The following CHD6 variants were observed in gnomAD, a reference collection of about 807,000 sequenced individuals.
The protein encoded by CHD6 is chromodomain helicase DNA binding protein 6.
CHD6 carries 50 observed loss-of-function variants against 276.9 expected under a neutral mutation model. That is an observed-to-expected ratio of 0.18 (90% CI 0.14 to 0.23). The LOEUF (loss-of-function observed/expected upper bound fraction) is 0.23, where lower values mean the gene tolerates loss of function less well. CHD6 is among the 10% of genes least tolerant of loss of function. The pLI is 1.00. For missense variants in CHD6, 2,564 were observed against 3,365.8 expected (o/e 0.76, Z 5.89); for synonymous variants, 1,173 against 1,229.3 (o/e 0.95, Z 0.96).
At chr20:41,555,543 T>C (rs1245084039) in intron 1 of CHD6, among the ~76,000 whole-genome samples, 1 of 147,644 alleles carries the variant, frequency 6.8e-6, no homozygotes, top group Non-Finnish European at 1.5e-5. Context: ...GATGGGGCGG[T>C]TGCCAGGCGG....
chr20:41,430,781 T>C (rs190346285), intron 27 of CHD6, among the ~76,000 whole-genome samples: 32 of 152,152 alleles, frequency 2.1e-4, no homozygotes, highest in Admixed American at 2.0e-3. Context: ...GAGTTGTTTC[T>C]ACAGGGAAAA....
rs2145657909 is a variant in CHD6, at chr20:41,450,930, G to A, written c.3683+16C>T. 3.1e-6 allele frequency: 5 copies of A among 1,605,114 alleles called. No homozygotes were observed. Among genetic ancestry groups the A allele is most frequent in the Non-Finnish European group, 4.3e-6 (5 of 1,173,884 alleles). On this transcript the variant is annotated intron_variant, in intron 23 of 36. Coordinates refer to ENST00000373233, the MANE Select transcript of CHD6 (RefSeq NM_032221.5). ...AGCCGGGCTGCCACCAGGGTATGGGGAGGAGGGACACTCACTTGTTGCAGT... is the reference window on the plus strand; with the variant it reads ...AGCCGGGCTGCCACCAGGGTATGGGAAGGAGGGACACTCACTTGTTGCAGT...
chr20:41,466,139 T>C (rs575595482), intron 17 of CHD6, among the ~76,000 whole-genome samples: 15 of 152,130 alleles, frequency 9.9e-5, no homozygotes, highest in East Asian at 5.8e-4. Flanking sequence ...GAGGTGGAGG[T>C]TGCAGTGAGC....
At chr20:41,513,019 G>C in intron 4 of CHD6, 24 bp from the exon 5 acceptor site, 1 of 1,613,776 alleles carries the variant, frequency 6.2e-7, no homozygotes, top group Non-Finnish European at 8.5e-7. Context: ...ACACCCGTCA[G>C]AGAAGCTCTC....
At chr20:41,436,980 T>C (rs1189001550) in intron 27 of CHD6, among the ~76,000 whole-genome samples, 3 of 152,182 alleles carry the variant, frequency 2.0e-5, no homozygotes, top group African/African-American at 4.8e-5. Context: ...GATATTGTAC[T>C]ACAATACTGC....
chr20:41,460,119 G>A (rs182774656), intron 17 of CHD6, among the ~76,000 whole-genome samples: 2 of 152,064 alleles, frequency 1.3e-5, no homozygotes, highest in African/African-American at 4.8e-5. Flanking sequence ...CGAGATTTGC[G>A]GAACTTTGAA....
At chr20:41,495,699 T>C (rs2043669109) in intron 8 of CHD6, among the ~76,000 whole-genome samples, 1 of 152,234 alleles carries the variant, frequency 6.6e-6, no homozygotes, top group Non-Finnish European at 1.5e-5. Context: ...ATAGTGGTTA[T>C]TTCACAATGT....
rs534871524 is a variant in CHD6 at position 41,576,066 on chromosome 20, CT to C, written c.-23-24707del. On this transcript the variant is annotated intron_variant, in intron 1 of 36. Transcript: ENST00000373233. ...TTTTAATATAGAGGAAAAATTAATT[CT>C]TTTTTTTTCTTCAAGCAAAATTTAC... Among the ~76,000 whole-genome samples the C allele has an allele frequency of 9.9e-5, 15 of 151,212 alleles. 3 individuals carry two copies. The highest frequency in any genetic ancestry group is 3.4e-4 in the African/African-American group (14 of 41,166).
At chr20:41,541,904 A>G (rs149021350) in intron 2 of CHD6, among the ~76,000 whole-genome samples, 119 of 152,328 alleles carry the variant, frequency 7.8e-4, no homozygotes, top group African/African-American at 2.8e-3. Flanking sequence ...ATGTTTCAAG[A>G]GTCTTAGAAA....
intron 2 of CHD6, among the ~76,000 whole-genome samples, chr20:41,545,109 G>A (rs978399023): frequency 1.3e-5 from 2 of 152,088 alleles, no homozygotes; most frequent in African/African-American, 4.8e-5. Context: ...TTTATATGAA[G>A]CCTATCCTCC....
At position 41,551,375 on chromosome 20, in the gene CHD6, T is replaced by A; in HGVS notation, c.-23-15A>T. ...GATATTTATTTCTGTAAAACATTTT[T>A]AAAAAGGCAAAGATTATGACAAAAC... On this transcript the variant is annotated splice_polypyrimidine_tract_variant and intron_variant, in intron 1 of 36. Coordinates refer to ENST00000373233, the MANE Select transcript of CHD6 (RefSeq NM_032221.5). 1 of 1,194,178 alleles carries A rather than the reference T, an allele frequency of 8.4e-7. No individual in the cohort carries two copies. The highest frequency in any genetic ancestry group is 1.2e-6 in the Non-Finnish European group (1 of 814,800). The allele number at this position is 1,194,178 out of a possible 1,614,324, so 74.0% of individuals were successfully genotyped here. A position where few individuals can be genotyped will look rare whatever the true frequency, so the allele number is the denominator to read the frequency against.
intron 27 of CHD6, among the ~76,000 whole-genome samples, chr20:41,430,916 G>A (rs2047518384): frequency 6.7e-6 from 1 of 149,256 alleles, no homozygotes; most frequent in Admixed American, 6.7e-5. Flanking sequence ...CTGGAGTGTG[G>A]TGGCTCGATC....
At chr20:41,585,570 T>C (rs2045586359) in intron 1 of CHD6, among the ~76,000 whole-genome samples, 1 of 149,230 alleles carries the variant, frequency 6.7e-6, no homozygotes, top group African/African-American at 2.5e-5. Context: ...CTATGAAAGA[T>C]GGTAAATTTA....
Position 41,445,083 on chromosome 20 carries a change from A to G in CHD6, c.3877+582T>C, listed in dbSNP as rs75934123. 1.6e-4 allele frequency among the ~76,000 whole-genome samples: 24 copies of G among 152,328 alleles called. No individual in the cohort carries two copies. The East Asian group carries it at 4.6e-3, about 29-fold the overall frequency. On this transcript the variant is annotated intron_variant, in intron 25 of 36. Transcript: ENST00000373233. ...GGGCAGTTGTTTCAAACACTGCCAG[A>G]GGTGAAGAAAGGGAGCACTTACTTC...
chr20:41,616,907 A>G (rs2045938844), intron 1 of CHD6, among the ~76,000 whole-genome samples: 1 of 152,174 alleles, frequency 6.6e-6, no homozygotes, highest in African/African-American at 2.4e-5. Flanking sequence ...CAGACCCCCA[A>G]TAAGTTACAC....
intron 5 of CHD6, among the ~76,000 whole-genome samples, chr20:41,505,147 C>T (rs2043946179): frequency 6.6e-6 from 1 of 152,124 alleles, no homozygotes; most frequent in Admixed American, 6.5e-5. Flanking sequence ...AGGTTTTGAG[C>T]TTAGTATTTT....
intron 5 of CHD6, 32 bp from the exon 6 acceptor site, chr20:41,499,389 G>A: frequency 6.6e-7 from 1 of 1,506,088 alleles, no homozygotes; most frequent in South Asian, 1.2e-5. Context: ...AAAGAAAATT[G>A]CTGGAACCAC....
At chr20:41,499,411 A>T in intron 5 of CHD6, 54 bp from the exon 6 acceptor site, 1 of 1,399,686 alleles carries the variant, frequency 7.1e-7, no homozygotes, top group Non-Finnish European at 9.8e-7. Flanking sequence ...GAATCCAAGA[A>T]AACAATTCTG....
At chr20:41,474,583 G>A (rs758876523) in intron 16 of CHD6, among the ~76,000 whole-genome samples, 1 of 152,130 alleles carries the variant, frequency 6.6e-6, no homozygotes, top group Non-Finnish European at 1.5e-5. Flanking sequence ...ACCCCAAACC[G>A]ACAACAGCCA....
Sources: gnomAD v4.1 joint callset for allele counts (sites outside exome capture counted in the v4.1 genomes callset) on GRCh38, gnomAD v4.1.1 for gene constraint, MANE v1.5 for transcripts, NCBI Gene and HGNC (gene_info 2026-07-23, HGNC 2026-07-21) for gene names.